APAF1: variants seen among roughly 807,000 people sequenced by gnomAD.
APAF1 encodes the protein apoptotic peptidase activating factor 1.
A neutral mutation model predicts 152.4 loss-of-function variants in APAF1; 91 were observed. The observed-to-expected ratio is 0.60, with a 90% CI of 0.50 to 0.71. The LOEUF is 0.71. APAF1 is among the 30% of genes least tolerant of loss of function. The pLI is 0.00. For missense variants in APAF1, 1,283 were observed against 1,472.0 expected (o/e 0.87, Z 2.10); for synonymous variants, 484 against 494.1 (o/e 0.98, Z 0.27).
intron 9 of APAF1, 26 bp downstream of exon 9, chr12:98,666,383 T>C (rs1326964452): frequency 6.3e-7 from 1 of 1,598,190 alleles, no homozygotes; most frequent in Admixed American, 1.7e-5. Flanking sequence ...TTTACTTTTT[T>C]TTTTCCTTTT....
chr12:98,646,841 T>C (rs1204296109), intron 1 of APAF1, among the ~76,000 whole-genome samples: 1 of 152,240 alleles, frequency 6.6e-6, no homozygotes, highest in Non-Finnish European at 1.5e-5. Context: ...ATAAAGGCTG[T>C]TATTCTTTCC....
chr12:98,727,634 G>GA (rs1395312741), intron 26 of APAF1, among the ~76,000 whole-genome samples: 19 of 151,314 alleles, frequency 1.3e-4, no homozygotes, highest in African/African-American at 4.6e-4. Flanking sequence ...AAAAGAACCA[G>GA]AAAAAACTTT....
chr12:98,656,831 G>A (rs138148311), intron 4 of APAF1, among the ~76,000 whole-genome samples: 2 of 152,094 alleles, frequency 1.3e-5, no homozygotes, highest in African/African-American at 4.8e-5. Context: ...GCTCTCTGTT[G>A]TCTCATCCAG....
intron 15 of APAF1, 56 bp from the exon 16 acceptor site, chr12:98,686,692 G>A: frequency 3.9e-6 from 6 of 1,538,682 alleles, no homozygotes; most frequent in Non-Finnish European, 5.3e-6. Context: ...CATGATTTCT[G>A]ATGTTTCCCC....
At chr12:98,650,707 A>C (rs2097647884) in intron 4 of APAF1, among the ~76,000 whole-genome samples, 1 of 152,104 alleles carries the variant, frequency 6.6e-6, no homozygotes, top group Non-Finnish European at 1.5e-5. Context: ...CCTGATTCCT[A>C]ACCCTTGGTT....
Position 98,732,496 on chromosome 12 carries a change from C to A in APAF1, c.3677C>A (p.Ser1226Tyr), listed in dbSNP as rs745529226. 1.0e-5 allele frequency: 16 copies of A among 1,595,208 alleles called. 1 individual carries two copies. The Admixed American group carries it at 2.3e-4, about 23-fold the overall frequency. ...NGTNLKKIHVSPDFKTYVTVD... is the reference protein window; with the variant it reads ...NGTNLKKIHVYPDFKTYVTVD... ...ACCAATCTTAAGAAAATACACGTGTCCCCTGACTTCAAAACATATGTGACT... is the reference window on the plus strand; with the variant it reads ...ACCAATCTTAAGAAAATACACGTGTACCCTGACTTCAAAACATATGTGACT... Residue 1226 changes from serine to tyrosine, a missense_variant, in exon 27 of 27, where the codon TCC becomes TAC. Transcript: ENST00000551964.
intron 16 of APAF1, among the ~76,000 whole-genome samples, chr12:98,687,139 T>C (rs1593067415): frequency 6.6e-6 from 1 of 151,940 alleles, no homozygotes; most frequent in Admixed American, 6.6e-5. Context: ...CCGAGGTGGG[T>C]GGATCACAAG....
At chr12:98,695,875 TC>T (rs1040861278) in intron 16 of APAF1, among the ~76,000 whole-genome samples, 2 of 152,224 alleles carry the variant, frequency 1.3e-5, no homozygotes, top group Non-Finnish European at 2.9e-5. Flanking sequence ...TGCCAGCACT[TC>T]CTGAGTCTTT....
At position 98,665,674 on chromosome 12, in the gene APAF1, T is replaced by C. The variant is rs57171247; in HGVS notation, c.1077T>C (p.Tyr359=). 4.5e-3 allele frequency: 7,329 copies of C among 1,613,998 alleles called. 266 individuals are homozygous for C. The African/African-American group carries it at 0.086, about 19-fold the overall frequency. Residue 359 remains tyrosine, a synonymous_variant, in exon 8 of 27, where the codon TAT becomes TAC. Transcript: ENST00000551964. ...QFKRIRKSSS[Y]DYEALDEAMS... ...AGAGAATAAGGAAATCTTCGTCTTA[T>C]GATTATGAGGCTCTAGATGAAGCCA...
At chr12:98,675,613 A>T (rs1457886200) in intron 12 of APAF1, among the ~76,000 whole-genome samples, 1 of 152,216 alleles carries the variant, frequency 6.6e-6, no homozygotes, top group East Asian at 1.9e-4. Flanking sequence ...CATAGCATTT[A>T]CATTGTACTA....
chr12:98,711,461 A>G (rs187835952), intron 20 of APAF1, among the ~76,000 whole-genome samples: 30 of 152,288 alleles, frequency 2.0e-4, no homozygotes, highest in East Asian at 7.7e-4. Flanking sequence ...TCGTAGTTCA[A>G]TTTTCATTTT....
chr12:98,686,135 A>G (rs1056059448), intron 15 of APAF1, among the ~76,000 whole-genome samples: 4 of 152,186 alleles, frequency 2.6e-5, no homozygotes, highest in Non-Finnish European at 5.9e-5. Context: ...ATGCATTTCT[A>G]TCATGTTTGT....
Position 98,682,198 on chromosome 12 carries a change from C to T in APAF1, c.2047-945C>T, listed in dbSNP as rs369129559. Among the ~76,000 whole-genome samples, 121 of 152,098 alleles carry T rather than the reference C, an allele frequency of 8.0e-4. No homozygotes were observed. The South Asian group carries it at 0.02, about 25-fold the overall frequency. On this transcript the variant is annotated intron_variant, in intron 14 of 26. Transcript: ENST00000551964. ...CCTCCCGAGTAGCTGGGACTACAGG[C>T]GGCCGCCACCGCGCCTGGCTAATTT...
Position 98,667,954 on chromosome 12 carries a change from G to A in APAF1, c.1494+310G>A, listed in dbSNP as rs1390609100. 2.0e-5 allele frequency among the ~76,000 whole-genome samples: 3 copies of A among 151,668 alleles called. No homozygotes were observed. In the East Asian group the frequency reaches 5.8e-4, roughly 29 times the overall value. On this transcript the variant is annotated intron_variant, in intron 10 of 26. Transcript: ENST00000551964. ...CCTGGCTAATATTTTTGTATTTTTG[G>A]TGGAGATGGGGTTTCACTATGTTGC...
intron 26 of APAF1, among the ~76,000 whole-genome samples, chr12:98,729,066 T>C (rs2097756016): frequency 6.6e-6 from 1 of 152,190 alleles, no homozygotes; most frequent in African/African-American, 2.4e-5. Context: ...CCCTAAAGTT[T>C]AGAAGGGGTC....
rs144749677 is a variant in APAF1 at position 98,699,566 on chromosome 12, C to A, written c.2463C>A (p.Ile821=). The A allele has an allele frequency of 6.1e-4, 986 of 1,614,078 alleles. 2 individuals are homozygous for A. The highest frequency in any genetic ancestry group is 2.6e-3 in the Admixed American group (154 of 60,008). ...ARIMVAAKNK[I]FLFDIHTSGL... The stretch of plus-strand genomic sequence containing the variant: ...TAATGGTGGCAGCAAAAAATAAAAT[C>A]TTTGTAAGTACTTTAAAAAGCCAAC... Residue 821 remains isoleucine, a synonymous_variant, in exon 17 of 27, where the codon ATC becomes ATA. Transcript: ENST00000551964.
chr12:98,723,829 A>G (rs2097746631), intron 24 of APAF1, 65 bp downstream of exon 24: 1 of 1,522,126 alleles, frequency 6.6e-7, no homozygotes, highest in Non-Finnish European at 9.1e-7. Flanking sequence ...GAGTTCAAAT[A>G]ATATATGCAA....
chr12:98,670,666 G>T (rs2097679037), intron 10 of APAF1, among the ~76,000 whole-genome samples: 1 of 151,482 alleles, frequency 6.6e-6, no homozygotes, highest in Admixed American at 6.6e-5. Context: ...TTTTGCTTTG[G>T]GGTCATGTTT....
chr12:98,655,436 G>A (rs1231177746), intron 4 of APAF1, among the ~76,000 whole-genome samples: 4 of 150,404 alleles, frequency 2.7e-5, no homozygotes, highest in African/African-American at 9.8e-5. Context: ...CCTCCCGGAC[G>A]GGGCGGCCGG....
Sources: gnomAD v4.1 joint callset for allele counts (sites outside exome capture counted in the v4.1 genomes callset) on GRCh38, gnomAD v4.1.1 for gene constraint, MANE v1.5 for transcripts, NCBI Gene and HGNC (gene_info 2026-07-23, HGNC 2026-07-21) for gene names.